The following DCDC2 variants were observed in gnomAD, a reference collection of about 807,000 sequenced individuals.
DCDC2 encodes the protein doublecortin domain containing 2, also known as doublecortin domain-containing protein 2.
A neutral mutation model predicts 50.2 loss-of-function variants in DCDC2; 40 were observed. That is an observed-to-expected ratio of 0.80 (90% CI 0.62 to 1.04). The LOEUF (loss-of-function observed/expected upper bound fraction) is 1.04. Among genes scored for constraint, DCDC2 ranks in the 50% least tolerant of loss-of-function variants. The pLI, the probability that DCDC2 is intolerant of heterozygous loss-of-function variation, is 0.00. For missense variants in DCDC2, 570 were observed against 581.9 expected, an observed-to-expected ratio of 0.98 and a Z score of 0.21; for synonymous variants, 234 against 210.6, an observed-to-expected ratio of 1.11 and a Z score of -0.96.
chr6:24,353,532 T>G, intron 2 of DCDC2, 37 bp downstream of exon 2: 1 of 1,330,068 alleles, frequency 7.5e-7, no homozygotes, highest in Non-Finnish European at 1.1e-6. Flanking sequence ...AATGGCACCG[T>G]TATTTATTTG....
intron 6 of DCDC2, among the ~76,000 whole-genome samples, chr6:24,285,522 A>T (rs1763583669): frequency 2.0e-5 from 3 of 152,170 alleles, no homozygotes; most frequent in Non-Finnish European, 4.4e-5. Context: ...AGAGCATCAG[A>T]TCTTTGCGCT....
chr6:24,341,005 C>T (rs1239812881), intron 2 of DCDC2, among the ~76,000 whole-genome samples: 1 of 152,172 alleles, frequency 6.6e-6, no homozygotes, highest in Admixed American at 6.5e-5. Flanking sequence ...GGATGACAGG[C>T]GTGAGCCATG....
intron 7 of DCDC2, among the ~76,000 whole-genome samples, chr6:24,243,023 C>G (rs567763531): frequency 6.6e-6 from 1 of 152,164 alleles, no homozygotes; most frequent in South Asian, 2.1e-4. Flanking sequence ...ATATATCCCC[C>G]TGAGAAGGCA....
chr6:24,187,762 G>A (rs1298769292), intron 8 of DCDC2, among the ~76,000 whole-genome samples: 1 of 152,134 alleles, frequency 6.6e-6, no homozygotes, highest in Non-Finnish European at 1.5e-5. Context: ...TGTGCCTTCA[G>A]GAAGGCACTG....
intron 7 of DCDC2, among the ~76,000 whole-genome samples, chr6:24,238,593 C>G (rs1193238358): frequency 6.6e-6 from 1 of 152,042 alleles, no homozygotes; most frequent in Admixed American, 6.6e-5. Context: ...GCCACTGCAC[C>G]AGGCCCGAAC....
chr6:24,306,543 T>TAGATAGATAGATAGACAGACAGAC (rs1209633765), intron 2 of DCDC2, among the ~76,000 whole-genome samples: 82 of 115,720 alleles, frequency 7.1e-4, no homozygotes, highest in Non-Finnish European at 9.2e-4. Context: ...GATAGATAGA[T>TAGATAGATAGATAGACAGACAGAC]AGACAGACAG....
At position 24,202,309 on chromosome 6, in the gene DCDC2, G is replaced by C. The variant is rs527705893; in HGVS notation, c.1023+2693C>G. Among the ~76,000 whole-genome samples, 15 of 152,280 alleles carry C rather than the reference G, an allele frequency of 9.9e-5. No individual in the cohort carries two copies. The South Asian group carries it at 2.5e-3, about 25-fold the overall frequency. Reference sequence around the variant, plus strand: ...ACGATCAAGTCGGCTTCATCCCTGGGATGGAAGCCTGGTTCAACATACACA... The same window carrying C: ...ACGATCAAGTCGGCTTCATCCCTGGCATGGAAGCCTGGTTCAACATACACA... On this transcript the variant is annotated intron_variant, in intron 8 of 9. Transcript: ENST00000378454.
chr6:24,257,270 C>T (rs1435107594), intron 7 of DCDC2, among the ~76,000 whole-genome samples: 1 of 152,084 alleles, frequency 6.6e-6, no homozygotes. Context: ...AAAAAGTACA[C>T]AATGTGTGAA....
At chr6:24,337,718 A>G (rs1760082979) in intron 2 of DCDC2, among the ~76,000 whole-genome samples, 1 of 150,986 alleles carries the variant, frequency 6.6e-6, no homozygotes. Flanking sequence ...GAATCACTTG[A>G]ACCTGGGAGA....
At chr6:24,315,172 C>CAAT (rs1759638696) in intron 2 of DCDC2, among the ~76,000 whole-genome samples, 1 of 143,820 alleles carries the variant, frequency 7.0e-6, no homozygotes, top group African/African-American at 2.6e-5. Context: ...TTGATCTTTG[C>CAAT]TTTTTTTTTT....
At chr6:24,266,682 T>C (rs1578349) in intron 7 of DCDC2, among the ~76,000 whole-genome samples, 91,867 of 152,016 alleles carry the variant, frequency 0.6, 29,777 homozygotes, top group East Asian at 0.79. Context: ...GGCAAAGATG[T>C]AGAGAAAAGG....
intron 8 of DCDC2, among the ~76,000 whole-genome samples, chr6:24,197,350 AGAGAGATTTCTCCTTTGCT>A (rs1761467614): frequency 6.6e-6 from 1 of 152,248 alleles, no homozygotes; most frequent in African/African-American, 2.4e-5. Flanking sequence ...AGTGATTAAC[AGAGAGATTTCTCCTTTGCT>A]AATAAGGCTA....
intron 7 of DCDC2, among the ~76,000 whole-genome samples, chr6:24,219,304 T>C (rs1485697505): frequency 6.6e-6 from 1 of 152,236 alleles, no homozygotes; most frequent in Non-Finnish European, 1.5e-5. Flanking sequence ...ATTTATTGTA[T>C]AATGAACACC....
At chr6:24,244,316 CA>C (rs1762626520) in intron 7 of DCDC2, among the ~76,000 whole-genome samples, 1 of 152,158 alleles carries the variant, frequency 6.6e-6, no homozygotes, top group Non-Finnish European at 1.5e-5. Context: ...GAAGCCTAAT[CA>C]AAAGATTTTT....
intron 7 of DCDC2, among the ~76,000 whole-genome samples, chr6:24,235,318 C>A (rs1762419770): frequency 6.6e-6 from 1 of 152,174 alleles, no homozygotes; most frequent in East Asian, 1.9e-4. Flanking sequence ...CAGGAAAGAT[C>A]CTCTTTTACT....
intron 8 of DCDC2, among the ~76,000 whole-genome samples, chr6:24,180,221 A>G (rs1761038952): frequency 6.6e-6 from 1 of 152,100 alleles, no homozygotes; most frequent in Non-Finnish European, 1.5e-5. Context: ...TTGTTACAAT[A>G]CATTCTCTCC....
intron 7 of DCDC2, among the ~76,000 whole-genome samples, chr6:24,215,755 G>A (rs561112617): frequency 6.6e-6 from 1 of 152,322 alleles, no homozygotes; most frequent in Admixed American, 6.5e-5. Context: ...GTCTGCATCA[G>A]CACCACTCCC....
chr6:24,293,802 G>T (rs1763802062), intron 4 of DCDC2, among the ~76,000 whole-genome samples: 1 of 152,146 alleles, frequency 6.6e-6, no homozygotes, highest in South Asian at 2.1e-4. Flanking sequence ...CTCAGAAAAT[G>T]TAAAAGAATC....
intron 2 of DCDC2, among the ~76,000 whole-genome samples, chr6:24,306,542 A>G (rs918001871): frequency 1.6e-5 from 2 of 128,438 alleles, no homozygotes; most frequent in African/African-American, 6.9e-5. Context: ...AGATAGATAG[A>G]TAGACAGACA....
Sources: allele counts gnomAD v4.1 joint callset (sites outside exome capture counted in the v4.1 genomes callset), GRCh38; gene constraint gnomAD v4.1.1; transcripts MANE v1.5; gene names NCBI Gene and HGNC (gene_info 2026-07-23, HGNC 2026-07-21).